The following CNOT10 variants were observed in gnomAD, a reference collection of about 807,000 sequenced individuals.
CNOT10 encodes CCR4-NOT transcription complex subunit 10.
A neutral mutation model predicts 94.6 loss-of-function variants in CNOT10; 30 were observed. That is an observed-to-expected ratio of 0.32 (90% CI 0.24 to 0.43). The LOEUF (loss-of-function observed/expected upper bound fraction) is 0.43, where lower values mean the gene tolerates loss of function less well. Ranked by LOEUF, CNOT10 falls within the 20% of genes least tolerant of loss-of-function variation. CNOT10 has a pLI of 1.00. For synonymous variants in CNOT10, 289 were observed against 301.6 expected (o/e 0.96, Z 0.43); for missense variants, 759 against 877.2 (o/e 0.87, Z 1.70).
At chr3:32,709,317 G>C (rs188828520) in intron 4 of CNOT10, among the ~76,000 whole-genome samples, 54 of 152,296 alleles carry the variant, frequency 3.5e-4, no homozygotes, top group Middle Eastern at 3.4e-3. Context: ...AAGGAAAAAA[G>C]AAGAGCAAAG....
chr3:32,759,472 C>G lies in CNOT10; in HGVS notation c.1610C>G (p.Ala537Gly). 1 of 1,613,466 alleles carries G rather than the reference C, an allele frequency of 6.2e-7. No individual in the cohort carries two copies. Among genetic ancestry groups the G allele is most frequent in the Non-Finnish European group, 8.5e-7 (1 of 1,179,578 alleles). ...TTGTGTTATAGGTGCTCCATACTTG[C>G]TTGCAGTGCCTACGTGGCTCTGGCT... is the stretch of plus-strand genomic sequence containing the variant. ...ELENLKCSIL[A>G]CSAYVALALG... Residue 537 changes from alanine (A) to glycine (G), a missense_variant, in exon 14 of 19, where the codon GCT (alanine) becomes GGT (glycine). Transcript: ENST00000328834.
chr3:32,703,311 T>C (rs1477435364), intron 1 of CNOT10, among the ~76,000 whole-genome samples: 2 of 152,124 alleles, frequency 1.3e-5, no homozygotes, highest in Admixed American at 6.6e-5. Flanking sequence ...AAATTCACTA[T>C]ACAGTAGTCC....
In CNOT10 at chr3:32,773,768, G is replaced by T; in HGVS notation, c.*157G>T. ...GGCCAAAAGCTTACTTAAAATTAAGGATTTACTAAGTCATCATCAGCTGTT... is the reference window on the plus strand; with the variant it reads ...GGCCAAAAGCTTACTTAAAATTAAGTATTTACTAAGTCATCATCAGCTGTT... On this transcript the variant is annotated 3_prime_UTR_variant, in exon 19 of 19. Coordinates refer to ENST00000328834, the MANE Select transcript of CNOT10 (RefSeq NM_015442.3). The T allele has an allele frequency of 3.1e-6, 2 of 651,596 alleles. No individual in the cohort carries two copies. The highest frequency in any genetic ancestry group is 4.9e-6 in the Non-Finnish European group (2 of 412,348). 40.4% of individuals were successfully genotyped at this position (651,596 alleles called of 1,614,324 possible).
intron 13 of CNOT10, among the ~76,000 whole-genome samples, chr3:32,758,618 T>A (rs1170248143): frequency 6.6e-6 from 1 of 152,172 alleles, no homozygotes; most frequent in African/African-American, 2.4e-5. Context: ...CTGAGTGAGG[T>A]CATTTGTGGT....
chr3:32,696,429 GT>G (rs1697072996), intron 1 of CNOT10, among the ~76,000 whole-genome samples: 1 of 151,994 alleles, frequency 6.6e-6, no homozygotes, highest in Non-Finnish European at 1.5e-5. Flanking sequence ...AGTGAAGTGT[GT>G]TTTTTTAAAA....
At chr3:32,748,350 C>T (rs1699801712) in intron 13 of CNOT10, among the ~76,000 whole-genome samples, 1 of 151,980 alleles carries the variant, frequency 6.6e-6, no homozygotes. Flanking sequence ...GCCTAATACC[C>T]AAAGGAATCT....
chr3:32,745,073 T>TTC (rs1575278334), intron 13 of CNOT10, among the ~76,000 whole-genome samples: 1 of 151,966 alleles, frequency 6.6e-6, no homozygotes, highest in East Asian at 1.9e-4. Context: ...GAGACGGGGT[T>TTC]TCACCATGTT....
intron 1 of CNOT10, among the ~76,000 whole-genome samples, chr3:32,688,419 T>C: frequency 6.7e-6 from 1 of 149,874 alleles, no homozygotes; most frequent in East Asian, 2.0e-4. Context: ...ACCAACATGG[T>C]GAAACCCCAT....
At chr3:32,719,452 G>A (rs1185538574) in intron 7 of CNOT10, among the ~76,000 whole-genome samples, 1 of 152,128 alleles carries the variant, frequency 6.6e-6, no homozygotes, top group African/African-American at 2.4e-5. Context: ...GATTCCAGAT[G>A]TCCTCCTGGA....
chr3:32,696,140 A>G (rs1220778471), intron 1 of CNOT10, among the ~76,000 whole-genome samples: 1 of 151,758 alleles, frequency 6.6e-6, no homozygotes, highest in Non-Finnish European at 1.5e-5. Context: ...ACATGGTAAA[A>G]CCCTGCCTCT....
intron 1 of CNOT10, among the ~76,000 whole-genome samples, chr3:32,697,320 GA>G (rs1288105607): frequency 6.6e-6 from 1 of 152,176 alleles, no homozygotes; most frequent in Non-Finnish European, 1.5e-5. Flanking sequence ...GTGGAGAATA[GA>G]AGCTCAAAAT....
Position 32,713,235 on chromosome 3 carries a change from T to C in CNOT10, c.439T>C (p.Phe147Leu). The C allele has an allele frequency of 6.4e-7, 1 of 1,568,320 alleles. No homozygotes were observed. The highest frequency in any genetic ancestry group is 8.6e-7 in the Non-Finnish European group (1 of 1,166,912). ...TGTTTTTTTTCTCCCAGAAGAAAAA[T>C]TTGCCCAAGCAGTGTGTTTTTTGCT... Reference protein sequence around the residue: ...YQFIEPFEEKFAQAVCFLLVD... With the variant: ...YQFIEPFEEKLAQAVCFLLVD... Residue 147 changes from phenylalanine to leucine, a missense_variant, in exon 5 of 19, where the codon TTT (phenylalanine) becomes CTT (leucine). By Grantham distance (22) the Phe-to-Leu change is conservative. Around this residue, in one of 3 missense-constraint regions of CNOT10, gnomAD observed 682 missense variants for 799.4 expected, o/e 0.85. Coordinates refer to ENST00000328834, the MANE Select transcript of CNOT10 (RefSeq NM_015442.3).
chr3:32,733,603 C>A, intron 11 of CNOT10, 59 bp downstream of exon 11: 1 of 1,142,224 alleles, frequency 8.8e-7, no homozygotes. Flanking sequence ...CATAATGTTA[C>A]TTATATATAA....
chr3:32,734,944 C>T lies in CNOT10; in HGVS notation c.1482C>T (p.Asn494=), dbSNP rs147353807. 348 of 1,613,970 alleles carry T rather than the reference C, an allele frequency of 2.2e-4. No homozygotes were observed. The highest frequency in any genetic ancestry group is 2.7e-4 in the Non-Finnish European group (322 of 1,179,900). Residue 494 remains asparagine (N), a synonymous_variant, in exon 12 of 19, where the codon AAC becomes AAT. Transcript: ENST00000328834. ...AAAATAGTAATCAATTAGGTGGGAA[C>T]ACAGAGAGCAGCGAAAGCAGTGAAA... The part of the protein sequence containing the change: ...GAKNSNQLGG[N]TESSESSETC...
intron 17 of CNOT10, among the ~76,000 whole-genome samples, chr3:32,768,492 A>C (rs748168316): frequency 4.6e-5 from 7 of 152,150 alleles, no homozygotes; most frequent in African/African-American, 7.2e-5. Flanking sequence ...CTGAGGCAGA[A>C]GAATCGCTTG....
At chr3:32,757,313 G>A (rs1047432216) in intron 13 of CNOT10, among the ~76,000 whole-genome samples, 30 of 150,490 alleles carry the variant, frequency 2.0e-4, no homozygotes, top group African/African-American at 7.1e-4. Flanking sequence ...CCAAGTAGCT[G>A]GGATTACAGG....
At chr3:32,753,393 T>G (rs1700050070) in intron 13 of CNOT10, 2 of 1,400,100 alleles carry the variant, frequency 1.4e-6, no homozygotes, top group Non-Finnish European at 2.0e-6. Flanking sequence ...GTTCAAAGAA[T>G]GATGTAAATG....
chr3:32,753,411 T>A (rs1159777570), intron 13 of CNOT10: 10 of 1,476,902 alleles, frequency 6.8e-6, no homozygotes, highest in Non-Finnish European at 8.5e-6. Context: ...ATGTGGAATT[T>A]TCAGAAAAGG....
At chr3:32,739,432 T>C (rs1340185076) in intron 13 of CNOT10, among the ~76,000 whole-genome samples, 1 of 152,192 alleles carries the variant, frequency 6.6e-6, no homozygotes, top group African/African-American at 2.4e-5. Flanking sequence ...TAGATAAAGG[T>C]CCTTTTCTAC....
Sources: allele counts gnomAD v4.1 joint callset (sites outside exome capture counted in the v4.1 genomes callset), GRCh38; gene constraint gnomAD v4.1.1; regional missense constraint gnomAD v4.1.1; transcripts MANE v1.5; gene names NCBI Gene and HGNC (gene_info 2026-07-23, HGNC 2026-07-21).